Variants in NCAPD3 observed in about 807,000 individuals in gnomAD.
NCAPD3 encodes condensin-2 complex subunit D3.
Under a neutral mutation model 182.9 loss-of-function variants are expected in NCAPD3, and 105 were observed. The ratio of observed to expected loss-of-function variants is 0.57; its 90% CI spans 0.49 to 0.68. NCAPD3 has a LOEUF of 0.68. Among genes scored for constraint, NCAPD3 ranks in the 30% least tolerant of loss-of-function variants. The pLI, the probability that NCAPD3 is intolerant of heterozygous loss-of-function variation, is 0.00. For missense variants in NCAPD3, 1,944 were observed against 1,837.0 expected, an observed-to-expected ratio of 1.06 and a Z score of -1.07; for synonymous variants, 815 against 679.9, an observed-to-expected ratio of 1.20 and a Z score of -3.09.
intron 13 of NCAPD3, among the ~76,000 whole-genome samples, chr11:134,200,819 C>G (rs1385534620): frequency 6.6e-6 from 1 of 152,122 alleles, no homozygotes; most frequent in Non-Finnish European, 1.5e-5. Flanking sequence ...AAAGTGAAAA[C>G]AACCCAAATG....
In NCAPD3 at chr11:134,178,533, C is replaced by A. The variant is rs1944220634; in HGVS notation, c.2782+101G>T. 3.4e-6 allele frequency: 3 copies of A among 889,472 alleles called. No individual in the cohort carries two copies. In the Admixed American group the frequency reaches 7.4e-5, roughly 22 times the overall value. 55.1% of individuals were successfully genotyped at this position (889,472 alleles called of 1,614,324 possible). On this transcript the variant is annotated intron_variant, in intron 22 of 34. Coordinates refer to ENST00000534548, the MANE Select transcript of NCAPD3 (RefSeq NM_015261.3). ...CCACATGGCTGAGAGCAGACACAGA[C>A]AGGCTCCGCAGCCCCTGACACAGTC...
At position 134,153,354 on chromosome 11, in the gene NCAPD3, C is replaced by A. The variant is rs201517610; in HGVS notation, c.4262G>T (p.Ser1421Ile). 1.5e-5 allele frequency: 24 copies of A among 1,614,054 alleles called. No individual in the cohort carries two copies. Among genetic ancestry groups the A allele is most frequent in the East Asian group, 2.2e-5 (1 of 44,892 alleles). ...GACCCCTGCTCCAAACGTGACATCA[C>A]TGATGCTCTCTGCATAAAGAGGAGA... The part of the protein sequence containing the change: ...RAISTPEKSI[S>I]DVTFGAGVSY... Residue 1421 changes from serine (S) to isoleucine (I), a missense_variant, in exon 33 of 35, where the codon AGT becomes ATT. Physicochemically the swap from Ser to Ile is moderately radical, Grantham distance 142. This residue lies in a region of NCAPD3 where 1,803 missense variants were observed against 1,674.6 expected (regional missense o/e 1.08). Coordinates refer to ENST00000534548, the MANE Select transcript of NCAPD3 (RefSeq NM_015261.3).
At chr11:134,153,465 C>A in intron 32 of NCAPD3, 102 bp from the exon 33 acceptor site, 1 of 1,233,822 alleles carries the variant, frequency 8.1e-7, no homozygotes. Context: ...ACATCAGTGT[C>A]CCAGCGGCGG....
intron 32 of NCAPD3, among the ~76,000 whole-genome samples, chr11:134,155,837 C>T (rs568502105): frequency 1.4e-5 from 2 of 139,486 alleles, no homozygotes; most frequent in Admixed American, 7.4e-5. Context: ...TGACAAATGC[C>T]GTCATGATTC....
intron 16 of NCAPD3, among the ~76,000 whole-genome samples, chr11:134,192,025 A>G (rs1426292023): frequency 2.0e-5 from 3 of 152,140 alleles, no homozygotes; most frequent in Admixed American, 6.5e-5. Context: ...GCATGTTTGG[A>G]TTTTAGATTT....
At chr11:134,154,488 C>A (rs1048592591) in intron 32 of NCAPD3, among the ~76,000 whole-genome samples, 9 of 146,374 alleles carry the variant, frequency 6.1e-5, no homozygotes, top group South Asian at 4.4e-4. Flanking sequence ...CCCCCCCCCC[C>A]ACCGCCCCAT....
Position 134,152,421 on chromosome 11 carries a change from A to C in NCAPD3, c.*523T>G, listed in dbSNP as rs1943270490. The C allele has an allele frequency of 6.6e-6, 1 of 152,310 alleles. No homozygotes were observed. Among genetic ancestry groups the C allele is most frequent in the Non-Finnish European group, 1.5e-5 (1 of 68,070 alleles). 9.4% of individuals were successfully genotyped at this position (152,310 alleles called of 1,614,324 possible). ...TAAGAGCTCTGTTCTAAAAACAGAA[A>C]AATCCTATTGACTACTGGAAGGCTG... On this transcript the variant is annotated 3_prime_UTR_variant, in exon 35 of 35. Coordinates refer to ENST00000534548, the MANE Select transcript of NCAPD3 (RefSeq NM_015261.3).
At chr11:134,171,452 G>A (rs1244225452) in intron 24 of NCAPD3, among the ~76,000 whole-genome samples, 1 of 152,114 alleles carries the variant, frequency 6.6e-6, no homozygotes, top group Non-Finnish European at 1.5e-5. Flanking sequence ...TTCTTCATGA[G>A]CTGAATGCCA....
At chr11:134,209,263 A>G (rs1307879496) in intron 5 of NCAPD3, 50 bp downstream of exon 5, 1 of 1,604,312 alleles carries the variant, frequency 6.2e-7, no homozygotes, top group Admixed American at 1.7e-5. Flanking sequence ...GGTATTAGCC[A>G]TAGTCTAATC....
At chr11:134,198,802 G>T (rs183768829) in intron 13 of NCAPD3, among the ~76,000 whole-genome samples, 1 of 152,076 alleles carries the variant, frequency 6.6e-6, no homozygotes, top group Non-Finnish European at 1.5e-5. Context: ...GTAAAAACTA[G>T]CAATGAACAA....
Position 134,172,424 on chromosome 11 carries a change from C to T in NCAPD3, c.3102-3370G>A, listed in dbSNP as rs537080861. Among the ~76,000 whole-genome samples the T allele has an allele frequency of 4.6e-5, 7 of 152,340 alleles. No individual in the cohort carries two copies. The East Asian group carries it at 1.4e-3, about 29-fold the overall frequency. ...TGGTCTGGCTCCTGACTCCCTCACC[C>T]CATTCCGATTGTTCCATGGCTTCAC... On this transcript the variant is annotated intron_variant, in intron 24 of 34. Coordinates refer to ENST00000534548, the MANE Select transcript of NCAPD3 (RefSeq NM_015261.3).
chr11:134,223,941 G>T lies in NCAPD3; in HGVS notation c.-15C>A, dbSNP rs766395064. The stretch of plus-strand genomic sequence containing the variant: ...AACGCCACCATGATCCCAGGGCACC[G>T]GCTCGCCGCCGCCGTGCTCAACTTT... On this transcript the variant is annotated 5_prime_UTR_variant, in exon 1 of 35. Coordinates refer to ENST00000534548, the MANE Select transcript of NCAPD3 (RefSeq NM_015261.3). 2.0e-5 allele frequency: 33 copies of T among 1,610,440 alleles called. No homozygotes were observed. In the East Asian group the frequency reaches 4.9e-4, roughly 24 times the overall value.
At position 134,168,303 on chromosome 11, in the gene NCAPD3, TG is replaced by T; in HGVS notation, c.3374-109del. 3.5e-6 allele frequency: 5 copies of T among 1,440,790 alleles called. No individual in the cohort carries two copies. The South Asian group carries it at 5.8e-5, about 17-fold the overall frequency. 89.3% of individuals were successfully genotyped at this position (1,440,790 alleles called of 1,614,324 possible). A position where few individuals can be genotyped will look rare whatever the true frequency, so the allele number is the denominator to read the frequency against. On this transcript the variant is annotated intron_variant, in intron 26 of 34. Transcript: ENST00000534548. ...GGCCATCTGAGGCTGTCAGGGGGTC[TG>T]CAAGGGTGTTTTGTCTGGGGCACAG...
In NCAPD3 at chr11:134,210,272, C is replaced by G. The variant is rs145870781; in HGVS notation, c.565G>C (p.Glu189Gln). ...RGKPPRREDI[E>Q]MDEIIEEQED... ...TTTATACTCAACTTACTTCTTACCTCAATATCTTCTCTCCTGGGTGGCTTT... is the reference window on the plus strand; with the variant it reads ...TTTATACTCAACTTACTTCTTACCTGAATATCTTCTCTCCTGGGTGGCTTT... The change falls in exon 4 of 35, where the codon GAG (glutamate) becomes CAG (glutamine). Residue 189 changes from glutamate (E) to glutamine (Q), a missense_variant and splice_region_variant. Coordinates refer to ENST00000534548, the MANE Select transcript of NCAPD3 (RefSeq NM_015261.3). The G allele has an allele frequency of 7.8e-5, 125 of 1,611,098 alleles. No homozygotes were observed. In the African/African-American group the frequency reaches 1.5e-3, roughly 19 times the overall value.
chr11:134,217,223 C>A, intron 2 of NCAPD3, 125 bp from the exon 3 acceptor site: 1 of 766,852 alleles, frequency 1.3e-6, no homozygotes, highest in Non-Finnish European at 1.9e-6. Flanking sequence ...GCTCCTACTG[C>A]TAAATGTTTA....
chr11:134,223,482 C>A (rs1938321713), intron 1 of NCAPD3: 1 of 702,392 alleles, frequency 1.4e-6, no homozygotes, highest in Non-Finnish European at 2.6e-6. Flanking sequence ...TCCAGTGGAA[C>A]CTATGAACAT....
intron 17 of NCAPD3, 76 bp downstream of exon 17, chr11:134,185,259 G>A: frequency 7.6e-7 from 1 of 1,319,962 alleles, no homozygotes; most frequent in Admixed American, 2.8e-5. Flanking sequence ...CTATGAAAAA[G>A]CTCACTTCCT....
At chr11:134,173,593 C>T (rs1591834752) in intron 24 of NCAPD3, 1 of 152,696 alleles carries the variant, frequency 6.5e-6, no homozygotes, top group African/African-American at 2.4e-5. Flanking sequence ...CAGGGCTCCT[C>T]ATTCGACCTG....
intron 27 of NCAPD3, among the ~76,000 whole-genome samples, chr11:134,163,518 T>C: frequency 6.6e-6 from 1 of 151,706 alleles, no homozygotes. Flanking sequence ...GCAAACACTG[T>C]GAAACCCCAT....
Sources: gnomAD v4.1 joint callset for allele counts (sites outside exome capture counted in the v4.1 genomes callset) on GRCh38, gnomAD v4.1.1 for gene constraint, gnomAD v4.1.1 regional missense constraint, MANE v1.5 for transcripts, NCBI Gene and HGNC (gene_info 2026-07-23, HGNC 2026-07-21) for gene names.